Variants in LRP2 observed in about 807,000 individuals in gnomAD.
LRP2 encodes LDL receptor related protein 2.
In LRP2, 172 loss-of-function variants were observed where a neutral mutation model predicts 531.0. That is an observed-to-expected ratio of 0.32 (90% CI 0.29 to 0.37). The LOEUF (loss-of-function observed/expected upper bound fraction) is 0.37, where lower values mean the gene tolerates loss of function less well. LRP2 is among the 10% of genes least tolerant of loss of function. LRP2 has a pLI of 1.00. For synonymous variants in LRP2, 1,992 were observed against 2,027.6 expected, an observed-to-expected ratio of 0.98 and a Z score of 0.47; for missense variants, 5,167 against 5,868.3, an observed-to-expected ratio of 0.88 and a Z score of 3.90.
At chr2:169,282,583 T>C (rs973920962) in intron 10 of LRP2, among the ~76,000 whole-genome samples, 3 of 152,248 alleles carry the variant, frequency 2.0e-5, no homozygotes, top group Admixed American at 1.3e-4. Context: ...GCATAGCATT[T>C]ATTCCACAAT....
chr2:169,258,967 T>G, intron 17 of LRP2, 58 bp downstream of exon 17: 1 of 1,489,704 alleles, frequency 6.7e-7, no homozygotes. Context: ...GCATCACTTT[T>G]CAATGACTGT....
At chr2:169,243,602 A>G (rs766516147) in intron 22 of LRP2, 80 bp from the exon 23 acceptor site, 100 of 1,539,244 alleles carry the variant, frequency 6.5e-5, no homozygotes, top group Non-Finnish European at 8.6e-5. Flanking sequence ...ATGGCTAAAT[A>G]GCTACAGAAG....
At chr2:169,207,278 A>G in intron 38 of LRP2, 28 bp from the exon 39 acceptor site, 1 of 1,501,932 alleles carries the variant, frequency 6.7e-7, no homozygotes, top group Non-Finnish European at 9.3e-7. Context: ...GTGCATGCTG[A>G]TCAATGGAGA....
chr2:169,246,682 A>G (rs1398821591), intron 21 of LRP2, 23 bp downstream of exon 21: 1 of 1,613,892 alleles, frequency 6.2e-7, no homozygotes, highest in Admixed American at 1.7e-5. Context: ...CCCAGGAAAT[A>G]TCGCCAGTGC....
At chr2:169,136,031 C>A (rs1558970615) in intron 76 of LRP2, among the ~76,000 whole-genome samples, 1 of 152,190 alleles carries the variant, frequency 6.6e-6, no homozygotes, top group Non-Finnish European at 1.5e-5. Context: ...CCTCCTTGGG[C>A]ACTCTCTAAT....
In LRP2 at chr2:169,338,359, G is replaced by GAAAGAAA. The variant is rs1685467009; in HGVS notation, c.80-17476_80-17475insTTTCTTT. Among the ~76,000 whole-genome samples the GAAAGAAA allele has an allele frequency of 2.0e-3, 151 of 76,632 alleles. 1 individual carries two copies. The highest frequency in any genetic ancestry group is 2.8e-3 in the Non-Finnish European group (110 of 39,716). 50.3% of individuals were successfully genotyped at this position (76,632 alleles called of 152,430 possible). On this transcript the variant is annotated intron_variant, in intron 1 of 78. Coordinates refer to ENST00000649046, the MANE Select transcript of LRP2 (RefSeq NM_004525.3). ...GAGAAAGAAAGAAGGAAAGAAAGAA[G>GAAAGAAA]GAAAGAAAGAAAGAAAGAAAGAAAG...
intron 29 of LRP2, 127 bp from the exon 30 acceptor site, chr2:169,233,715 G>C (rs559948044): frequency 1.0e-5 from 9 of 891,874 alleles, no homozygotes; most frequent in Admixed American, 2.0e-5. Context: ...AAAACACAAG[G>C]AAGTCATTGT....
At chr2:169,321,347 T>C (rs1233332441) in intron 1 of LRP2, among the ~76,000 whole-genome samples, 4 of 152,080 alleles carry the variant, frequency 2.6e-5, no homozygotes, top group Non-Finnish European at 5.9e-5. Flanking sequence ...TATATTGACA[T>C]ATTAGTAACT....
chr2:169,247,736 C>A (rs1690067357), intron 19 of LRP2, among the ~76,000 whole-genome samples: 1 of 152,168 alleles, frequency 6.6e-6, no homozygotes, highest in Non-Finnish European at 1.5e-5. Flanking sequence ...CAGGTTCAGG[C>A]AAGCACATAT....
chr2:169,303,476 T>TCCCTTTC (rs1204579752), intron 4 of LRP2, among the ~76,000 whole-genome samples: 1 of 152,078 alleles, frequency 6.6e-6, no homozygotes, highest in African/African-American at 2.4e-5. Flanking sequence ...GACTGGCAGT[T>TCCCTTTC]CCCTTTCCCA....
At chr2:169,281,661 TG>T (rs1170900059) in intron 10 of LRP2, among the ~76,000 whole-genome samples, 2 of 151,874 alleles carry the variant, frequency 1.3e-5, no homozygotes, top group East Asian at 3.9e-4. Context: ...GAGGTTGCAG[TG>T]AGCCAAGATG....
At chr2:169,352,611 A>G (rs995171102) in intron 1 of LRP2, among the ~76,000 whole-genome samples, 5 of 152,166 alleles carry the variant, frequency 3.3e-5, no homozygotes, top group Non-Finnish European at 7.3e-5. Flanking sequence ...TATCTAGTCT[A>G]TCACTGATGG....
intron 1 of LRP2, among the ~76,000 whole-genome samples, chr2:169,322,944 C>G (rs1401903049): frequency 6.6e-6 from 1 of 152,012 alleles, no homozygotes; most frequent in Non-Finnish European, 1.5e-5. Flanking sequence ...TCTTAAGCAA[C>G]TTTTATTACA....
intron 77 of LRP2, among the ~76,000 whole-genome samples, chr2:169,130,288 C>CT (rs796975261): frequency 0.067 from 9,280 of 138,862 alleles, 361 homozygotes; most frequent in African/African-American, 0.11. Flanking sequence ...AGAACTGAAT[C>CT]TTTTTTTTTT....
intron 1 of LRP2, among the ~76,000 whole-genome samples, chr2:169,359,958 T>A (rs545628409): frequency 3.6e-4 from 54 of 151,852 alleles, no homozygotes; most frequent in Non-Finnish European, 6.3e-4. Context: ...ACCCTGCCTC[T>A]ACTAAAAATA....
chr2:169,170,609 C>A lies in LRP2; in HGVS notation c.11322G>T (p.Ser3774=). The A allele has an allele frequency of 6.2e-7, 1 of 1,614,172 alleles. No homozygotes were observed. Among genetic ancestry groups the A allele is most frequent in the Non-Finnish European group, 8.5e-7 (1 of 1,180,026 alleles). Residue 3774 remains serine, a synonymous_variant, in exon 59 of 79, where the codon TCG becomes TCT. Transcript: ENST00000649046. ...CGTTGTAATGGTCACAGATCCATCG[C>A]GAGGGAATGCACTGCTGATTGACAC... is the stretch of plus-strand genomic sequence containing the variant. ...FRCVNQQCIP[S]RWICDHYNDC... is the part of the protein sequence containing the mutation.
Position 169,185,629 on chromosome 2 carries a change from C to T in LRP2, c.9719G>A (p.Arg3240Lys), listed in dbSNP as rs1204138376. The T allele has an allele frequency of 1.9e-6, 3 of 1,614,196 alleles. No homozygotes were observed. Among genetic ancestry groups the T allele is most frequent in the Non-Finnish European group, 2.5e-6 (3 of 1,180,028 alleles). ...CCTCTGTGTATCAATCCAATACAAT[C>T]TCTTCTCTACTCGGTCAAAATCTAA... ...VALDFDRVEKRLYWIDTQRQV... is the reference protein window; with the variant it reads ...VALDFDRVEKKLYWIDTQRQV... The change falls in exon 50 of 79, where the codon AGA becomes AAA. Residue 3240 changes from arginine to lysine, a missense_variant. By Grantham distance (26) the Arg-to-Lys change is conservative (BLOSUM62 2). Transcript: ENST00000649046.
chr2:169,176,649 A>G, intron 53 of LRP2, 61 bp from the exon 54 acceptor site: 1 of 1,424,148 alleles, frequency 7.0e-7, no homozygotes, highest in Non-Finnish European at 9.9e-7. Context: ...AGCACAGATT[A>G]GCTGATTACA....
chr2:169,196,956 G>A lies in LRP2; in HGVS notation c.8653C>T (p.Gln2885Ter), dbSNP rs867027964. Reference sequence around the variant, plus strand: ...GAGGCATCAAAACAATCTGTTTCTTGATCACAATACCAATGTTGAGGAATA... The same window carrying A: ...GAGGCATCAAAACAATCTGTTTCTTAATCACAATACCAATGTTGAGGAATA... ...RCIPQHWYCDQETDCFDASDE... is the reference protein window; with the variant it reads ...RCIPQHWYCD The change falls in exon 46 of 79, where the codon CAA becomes TAA. Residue 2885 changes from glutamine to a stop codon, truncating the protein, a stop_gained. Coordinates refer to ENST00000649046, the MANE Select transcript of LRP2 (RefSeq NM_004525.3). LOFTEE classifies it high-confidence loss of function. 6.2e-7 allele frequency: 1 copy of A among 1,614,144 alleles called. No homozygotes were observed. The highest frequency in any genetic ancestry group is 2.2e-5 in the East Asian group (1 of 44,874).
Sources: gnomAD v4.1 joint callset for allele counts (sites outside exome capture counted in the v4.1 genomes callset) on GRCh38, gnomAD v4.1.1 for gene constraint, MANE v1.5 for transcripts, NCBI Gene and HGNC (gene_info 2026-07-23, HGNC 2026-07-21) for gene names.